The following ERAP1 variants were observed in gnomAD, a reference collection of about 807,000 sequenced individuals.
The protein encoded by ERAP1 is endoplasmic reticulum aminopeptidase 1, also known as adipocyte-derived leucine aminopeptidase.
Under a neutral mutation model 103.7 loss-of-function variants are expected in ERAP1, and 86 were observed. The observed-to-expected ratio is 0.83, with a 90% CI of 0.70 to 0.99. ERAP1 has a LOEUF of 0.99. Ranked by LOEUF, ERAP1 falls within the 50% of genes least tolerant of loss-of-function variation. ERAP1 has a pLI of 0.00. For missense variants in ERAP1, 1,009 were observed against 1,128.4 expected, an observed-to-expected ratio of 0.89 and a Z score of 1.52; for synonymous variants, 398 against 402.4, an observed-to-expected ratio of 0.99 and a Z score of 0.13.
the ERAP1 span, among the ~76,000 whole-genome samples, chr5:96,923,733 C>A: frequency 4.0e-5 from 6 of 151,692 alleles, no homozygotes; most frequent in Non-Finnish European, 8.8e-5. Flanking sequence ...ACTTCATACA[C>A]GTCAAAATAT....
chr5:96,933,818 CA>C, the ERAP1 span, among the ~76,000 whole-genome samples: 1 of 151,972 alleles, frequency 6.6e-6, no homozygotes, highest in Non-Finnish European at 1.5e-5. Flanking sequence ...AGTATGTTAA[CA>C]AAATCTAGCT....
the ERAP1 span, among the ~76,000 whole-genome samples, chr5:96,916,618 C>G: frequency 6.6e-6 from 1 of 151,740 alleles, no homozygotes; most frequent in African/African-American, 2.4e-5. Flanking sequence ...AGGCTGCCAC[C>G]ATGCCCACCT....
At chr5:96,801,905 C>T (rs1778050743) in intron 2 of ERAP1, among the ~76,000 whole-genome samples, 1 of 142,926 alleles carries the variant, frequency 7.0e-6, no homozygotes, top group African/African-American at 2.6e-5. Flanking sequence ...AAGGGAATCT[C>T]AGGCAAAGTC....
the ERAP1 span, among the ~76,000 whole-genome samples, chr5:96,832,191 A>C: frequency 6.6e-6 from 1 of 152,156 alleles, no homozygotes; most frequent in African/African-American, 2.4e-5. Context: ...TATTAACGGA[A>C]GCTCTCTATT....
chr5:96,843,487 CT>C, the ERAP1 span, among the ~76,000 whole-genome samples: 1 of 152,200 alleles, frequency 6.6e-6, no homozygotes, highest in Non-Finnish European at 1.5e-5. Flanking sequence ...ACCAGAGGTA[CT>C]TTCAGTTTTT....
chr5:96,766,585 C>G (rs746586019), intron 19 of ERAP1, among the ~76,000 whole-genome samples: 8 of 152,192 alleles, frequency 5.3e-5, no homozygotes, highest in Non-Finnish European at 1.0e-4. Flanking sequence ...CCTGCATCAT[C>G]ATCAGCACTA....
chr5:96,787,366 A>G (rs1303699215), intron 11 of ERAP1, among the ~76,000 whole-genome samples: 1 of 152,076 alleles, frequency 6.6e-6, no homozygotes, highest in Non-Finnish European at 1.5e-5. Flanking sequence ...CCTGGGTACA[A>G]GCGATTCTCC....
chr5:96,776,242 T>TTCATGAAA lies in ERAP1; in HGVS notation c.*153_*154insTTTCATGA. The stretch of plus-strand genomic sequence containing the variant: ...TAGCGATAGCCCATTCATGAAAAAC[T>TTCATGAAA]AACAGCTATTCTTTTCACAGGGATA... On this transcript the variant is annotated 3_prime_UTR_variant, in exon 19 of 19. Transcript: ENST00000443439. The TTCATGAAA allele has an allele frequency of 3.9e-6, 4 of 1,017,010 alleles. No individual in the cohort carries two copies. The highest frequency in any genetic ancestry group is 5.6e-6 in the Non-Finnish European group (4 of 717,220). 63.0% of individuals were successfully genotyped at this position (1,017,010 alleles called of 1,614,324 possible).
the ERAP1 span, among the ~76,000 whole-genome samples, chr5:96,830,636 A>G: frequency 1.3e-5 from 2 of 152,276 alleles, no homozygotes; most frequent in East Asian, 3.8e-4. Context: ...GTAGCAGATT[A>G]TATATAGTGT....
At chr5:96,869,033 C>T in the ERAP1 span, among the ~76,000 whole-genome samples, 1 of 151,892 alleles carries the variant, frequency 6.6e-6, no homozygotes, top group Non-Finnish European at 1.5e-5. Context: ...GTTAGCTCTA[C>T]AACACAGGAG....
the ERAP1 span, among the ~76,000 whole-genome samples, chr5:96,932,802 T>C: frequency 6.6e-6 from 1 of 152,244 alleles, no homozygotes; most frequent in Non-Finnish European, 1.5e-5. Context: ...TATATTTTTT[T>C]CCTGTCATGC....
chr5:96,762,078 A>C (rs1768155677), exon 20 of ERAP1: 3 of 408,234 alleles, frequency 7.3e-6, no homozygotes, highest in Non-Finnish European at 8.7e-6. Flanking sequence ...GGAAATAGAA[A>C]TAGCAAATTG....
the ERAP1 span, among the ~76,000 whole-genome samples, chr5:96,899,789 A>G: frequency 9.8e-5 from 15 of 152,340 alleles, no homozygotes; most frequent in African/African-American, 3.1e-4. Context: ...ATGCAGCATG[A>G]AATAATAAAA....
the ERAP1 span, among the ~76,000 whole-genome samples, chr5:96,865,066 G>GT: frequency 1.3e-5 from 2 of 152,118 alleles, no homozygotes; most frequent in Middle Eastern, 6.9e-3. Flanking sequence ...TTTTTCTATG[G>GT]ATTTTTAGCC....
the ERAP1 span, among the ~76,000 whole-genome samples, chr5:96,914,186 G>C: frequency 2.8e-5 from 4 of 140,574 alleles, no homozygotes; most frequent in African/African-American, 1.1e-4. Context: ...AACCCTATAA[G>C]GCATTCAGCC....
chr5:96,925,283 C>G, the ERAP1 span, among the ~76,000 whole-genome samples: 1 of 152,312 alleles, frequency 6.6e-6, no homozygotes, highest in South Asian at 2.1e-4. Flanking sequence ...CATCCTTACA[C>G]TAACTCTGTG....
chr5:96,900,136 G>T, the ERAP1 span: 1 of 1,613,880 alleles, frequency 6.2e-7, no homozygotes, highest in Non-Finnish European at 8.5e-7. Flanking sequence ...TTTAGAAAGT[G>T]ATTTTACATC....
chr5:96,805,899 C>T (rs1778543936), intron 1 of ERAP1: 2 of 152,220 alleles, frequency 1.3e-5, no homozygotes, highest in Admixed American at 6.5e-5. Context: ...AATTCCAACT[C>T]GTTATGAGCT....
the ERAP1 span, among the ~76,000 whole-genome samples, chr5:96,857,255 T>A: frequency 6.6e-5 from 10 of 152,336 alleles, no homozygotes; most frequent in Non-Finnish European, 8.8e-5. Flanking sequence ...TCCTATGTGC[T>A]CTTAAAGCTT....
Sources: allele counts gnomAD v4.1 joint callset (sites outside exome capture counted in the v4.1 genomes callset), GRCh38; gene constraint gnomAD v4.1.1; transcripts MANE v1.5; gene names NCBI Gene and HGNC (gene_info 2026-07-23, HGNC 2026-07-21).